GRK3: variants seen among roughly 807,000 people sequenced by gnomAD.
The protein encoded by GRK3 is G protein-coupled receptor kinase 3, also known as adrenergic, beta, receptor kinase 2.
GRK3 carries 54 observed loss-of-function variants against 95.7 expected under a neutral mutation model. The ratio of observed to expected loss-of-function variants is 0.56; its 90% CI spans 0.45 to 0.71. GRK3 has a LOEUF of 0.71. GRK3 is among the 30% of genes least tolerant of loss of function. The pLI is 0.00. For synonymous variants in GRK3, 281 were observed against 290.8 expected (o/e 0.97, Z 0.34); for missense variants, 649 against 851.2 (o/e 0.76, Z 2.96).
chr22:25,715,345 C>T (rs921147545), intron 18 of GRK3, among the ~76,000 whole-genome samples: 1 of 152,144 alleles, frequency 6.6e-6, no homozygotes. Flanking sequence ...GAAACCCCAT[C>T]TCTACAAAAA....
At chr22:25,566,907 T>TTTGG (rs1555913827) in intron 1 of GRK3, among the ~76,000 whole-genome samples, 15 of 149,286 alleles carry the variant, frequency 1.0e-4, no homozygotes, top group African/African-American at 3.5e-4. Context: ...GTTTTTTTTT[T>TTTGG]GGGGGGGGCT....
intron 3 of GRK3, chr22:25,649,293 A>G: frequency 2.4e-6 from 2 of 823,682 alleles, no homozygotes; most frequent in Non-Finnish European, 4.1e-6. Context: ...CCTGTATAGA[A>G]TTTCTACAGG....
intron 2 of GRK3, among the ~76,000 whole-genome samples, chr22:25,636,596 G>T (rs1875827609): frequency 6.6e-6 from 1 of 152,078 alleles, no homozygotes; most frequent in Admixed American, 6.6e-5. Context: ...TTTACTTACA[G>T]TACTGTACAC....
intron 1 of GRK3, among the ~76,000 whole-genome samples, chr22:25,579,831 T>TA (rs199753786): frequency 0.03 from 4,540 of 152,128 alleles, 119 homozygotes; most frequent in Middle Eastern, 0.068. Context: ...GGCGAAATTT[T>TA]AAAAAAATCC....
chr22:25,690,774 C>A (rs905126579), intron 12 of GRK3, among the ~76,000 whole-genome samples: 1 of 151,052 alleles, frequency 6.6e-6, no homozygotes, highest in Non-Finnish European at 1.5e-5. Context: ...TTTTTTTTTT[C>A]CCTGAAGAGA....
At position 25,725,335 on chromosome 22, in the gene GRK3, G is replaced by A. The variant is rs2085465352; in HGVS notation, c.*2885G>A. The A allele has an allele frequency of 5.2e-6, 2 of 384,950 alleles. No homozygotes were observed. Among genetic ancestry groups the A allele is most frequent in the Admixed American group, 9.0e-5 (2 of 22,346 alleles). 23.8% of individuals were successfully genotyped at this position (384,950 alleles called of 1,614,324 possible). ...TTTTTACAAAATCATGCGGTAATAA[G>A]TCTTGATTTCATGATTCAAAAGAAT... is the stretch of plus-strand genomic sequence containing the variant. On this transcript the variant is annotated 3_prime_UTR_variant, in exon 21 of 21. Transcript: ENST00000324198.
In GRK3 at chr22:25,727,848, A is replaced by G. The variant is rs1175279640; in HGVS notation, c.*5398A>G. 6.6e-6 allele frequency: 1 copy of G among 152,210 alleles called. No individual in the cohort carries two copies. The highest frequency in any genetic ancestry group is 1.9e-4 in the East Asian group (1 of 5,200). The allele number at this position is 152,210 out of a possible 1,614,324, so 9.4% of individuals were successfully genotyped here. ...TTACTTTCTTAGTTGATTATATTAA[A>G]TGATGTATATATTATATGTGGTTTA... is the stretch of plus-strand genomic sequence containing the variant. On this transcript the variant is annotated 3_prime_UTR_variant, in exon 21 of 21. Coordinates refer to ENST00000324198, the MANE Select transcript of GRK3 (RefSeq NM_005160.4).
At chr22:25,684,324 G>A (rs1394726887) in intron 9 of GRK3, among the ~76,000 whole-genome samples, 3 of 152,146 alleles carry the variant, frequency 2.0e-5, no homozygotes, top group Non-Finnish European at 4.4e-5. Context: ...AAGAATATTG[G>A]AACTTTCCTT....
intron 18 of GRK3, among the ~76,000 whole-genome samples, chr22:25,716,678 C>T (rs1173164005): frequency 1.3e-5 from 2 of 151,904 alleles, no homozygotes; most frequent in East Asian, 1.9e-4. Flanking sequence ...TCTGTGGATT[C>T]GACCAACCAT....
At chr22:25,703,166 C>T (rs912117943) in intron 13 of GRK3, among the ~76,000 whole-genome samples, 1 of 152,164 alleles carries the variant, frequency 6.6e-6, no homozygotes, top group Non-Finnish European at 1.5e-5. Flanking sequence ...CTCGAACTCT[C>T]ATATGACAAA....
chr22:25,610,951 T>C lies in GRK3; in HGVS notation c.190+6498T>C, dbSNP rs190013009. On this transcript the variant is annotated intron_variant, in intron 2 of 20. Transcript: ENST00000324198. ...ATCTCTGTTCACTGCAACCTCCGCC[T>C]CCTGGGTTCAAATGATTCTCGTGCC... Among the ~76,000 whole-genome samples, 300 of 152,302 alleles carry C rather than the reference T, an allele frequency of 2.0e-3. 1 individual carries two copies. Among genetic ancestry groups the C allele is most frequent in the African/African-American group, 6.6e-3 (276 of 41,570 alleles).
intron 13 of GRK3, among the ~76,000 whole-genome samples, chr22:25,699,989 C>T (rs888656370): frequency 2.6e-5 from 4 of 152,316 alleles, no homozygotes; most frequent in South Asian, 2.1e-4. Flanking sequence ...TGAGCCCCCG[C>T]GCCCGGCCGC....
chr22:25,681,768 T>C (rs2085076509), intron 9 of GRK3, among the ~76,000 whole-genome samples: 2 of 152,220 alleles, frequency 1.3e-5, no homozygotes, highest in African/African-American at 4.8e-5. Flanking sequence ...TAAGCTATTT[T>C]GTTGACTTTT....
Position 25,722,689 on chromosome 22 carries a change from C to A in GRK3, c.*239C>A. 2.4e-6 allele frequency: 1 copy of A among 414,970 alleles called. No individual in the cohort carries two copies. The highest frequency in any genetic ancestry group is 4.3e-6 in the Non-Finnish European group (1 of 232,040). 25.7% of individuals were successfully genotyped at this position (414,970 alleles called of 1,614,324 possible). ...TGCTACACACTTTGGTACCTATGAA[C>A]CTAGAACTTGAAGTGACTCCTACTT... On this transcript the variant is annotated 3_prime_UTR_variant, in exon 21 of 21. Transcript: ENST00000324198.
At chr22:25,692,503 C>T (rs1182242449) in intron 12 of GRK3, among the ~76,000 whole-genome samples, 4 of 152,206 alleles carry the variant, frequency 2.6e-5, no homozygotes, top group Non-Finnish European at 4.4e-5. Context: ...GGCGATGCCA[C>T]GGTAAGACAG....
intron 17 of GRK3, among the ~76,000 whole-genome samples, chr22:25,712,287 G>A (rs1014039431): frequency 1.3e-5 from 2 of 152,222 alleles, no homozygotes; most frequent in African/African-American, 4.8e-5. Flanking sequence ...TCTGTGGTCT[G>A]GAGCAGTGGC....
At chr22:25,581,890 TAA>T (rs1932112302) in intron 1 of GRK3, among the ~76,000 whole-genome samples, 1 of 152,186 alleles carries the variant, frequency 6.6e-6, no homozygotes, top group Non-Finnish European at 1.5e-5. Flanking sequence ...CCTTGCAATG[TAA>T]GTCTCTCTTA....
In GRK3 at chr22:25,674,451, G is replaced by A. The variant is rs923103516; in HGVS notation, c.570G>A (p.Glu190=). Residue 190 remains glutamate (E), a synonymous_variant, in exon 8 of 21, where the codon GAG becomes GAA. Coordinates refer to ENST00000324198, the MANE Select transcript of GRK3 (RefSeq NM_005160.4). ...VELNIHLTMN[E]FSVHRIIGRG... ...GGATTTCCCAGTTGACCATGAATGA[G>A]TTCAGTGTGCATAGGATTATTGGAC... is the stretch of plus-strand genomic sequence containing the variant. 6.2e-7 allele frequency: 1 copy of A among 1,613,650 alleles called. No individual in the cohort carries two copies. The highest frequency in any genetic ancestry group is 1.3e-5 in the African/African-American group (1 of 75,034).
chr22:25,683,678 C>T (rs112400982), intron 9 of GRK3, among the ~76,000 whole-genome samples: 4,456 of 152,162 alleles, frequency 0.029, 83 homozygotes, highest in African/African-American at 0.05. Flanking sequence ...TATCCTCTTA[C>T]GTGAATTGCC....
Sources: allele counts gnomAD v4.1 joint callset (sites outside exome capture counted in the v4.1 genomes callset), GRCh38; gene constraint gnomAD v4.1.1; transcripts MANE v1.5; gene names NCBI Gene and HGNC (gene_info 2026-07-23, HGNC 2026-07-21).